Variants in LRP1B observed in about 807,000 individuals in gnomAD.
The protein encoded by LRP1B is LDL receptor related protein 1B.
Under a neutral mutation model 556.6 loss-of-function variants are expected in LRP1B, and 217 were observed. That is an observed-to-expected ratio of 0.39 (90% CI 0.35 to 0.44). The LOEUF (loss-of-function observed/expected upper bound fraction) is 0.44. LRP1B is among the 20% of genes least tolerant of loss of function. The probability of loss-of-function intolerance (pLI) is 1.00; values close to 1 mark genes in which losing one functional copy is unlikely to be tolerated. For missense variants in LRP1B, 5,053 were observed against 5,620.8 expected (o/e 0.90, Z 3.23); for synonymous variants, 2,047 against 1,865.8 (o/e 1.10, Z -2.50).
chr2:140,634,329 G>T (rs1001272487), intron 41 of LRP1B, among the ~76,000 whole-genome samples: 2 of 151,944 alleles, frequency 1.3e-5, no homozygotes, highest in Admixed American at 1.3e-4. Context: ...CATGATTATT[G>T]GATAATAATA....
chr2:141,631,248 G>C (rs953541401), intron 2 of LRP1B, among the ~76,000 whole-genome samples: 1 of 151,994 alleles, frequency 6.6e-6, no homozygotes, highest in Non-Finnish European at 1.5e-5. Context: ...ACAGCATGAG[G>C]GTAACTGCCC....
intron 1 of LRP1B, among the ~76,000 whole-genome samples, chr2:142,130,380 C>A (rs1287873727): frequency 6.6e-6 from 1 of 152,174 alleles, no homozygotes; most frequent in Non-Finnish European, 1.5e-5. Context: ...AAGCGCACAG[C>A]CAAGTGCACA....
chr2:142,018,666 T>C (rs1266142339), intron 1 of LRP1B, among the ~76,000 whole-genome samples: 3 of 152,158 alleles, frequency 2.0e-5, no homozygotes, highest in Admixed American at 6.5e-5. Context: ...AAAGTCTACA[T>C]GAGTTAGACT....
intron 1 of LRP1B, among the ~76,000 whole-genome samples, chr2:141,931,909 T>C (rs2104996164): frequency 6.6e-6 from 1 of 152,150 alleles, no homozygotes; most frequent in East Asian, 1.9e-4. Context: ...ATATGGGCTG[T>C]GTCACTTCGT....
intron 86 of LRP1B, among the ~76,000 whole-genome samples, chr2:140,260,961 G>A (rs1681908519): frequency 6.6e-6 from 1 of 151,586 alleles, no homozygotes; most frequent in Non-Finnish European, 1.5e-5. Context: ...GGCCTCTAGT[G>A]AATAGGACAG....
chr2:142,047,753 C>A (rs1214147611), intron 1 of LRP1B, among the ~76,000 whole-genome samples: 1 of 151,806 alleles, frequency 6.6e-6, no homozygotes, highest in Non-Finnish European at 1.5e-5. Context: ...TTAAACACAT[C>A]CTGGGAGATG....
chr2:140,962,896 A>G (rs1342724041), intron 18 of LRP1B, among the ~76,000 whole-genome samples: 3 of 152,206 alleles, frequency 2.0e-5, no homozygotes, highest in African/African-American at 7.2e-5. Context: ...TACACAGCAA[A>G]TTTTAGCTCA....
At position 140,546,490 on chromosome 2, in the gene LRP1B, G is replaced by A. The variant is rs955218130; in HGVS notation, c.7195-4519C>T. On this transcript the variant is annotated intron_variant, in intron 43 of 90. Coordinates refer to ENST00000389484, the MANE Select transcript of LRP1B (RefSeq NM_018557.3). Reference sequence around the variant, plus strand: ...ACTTACAATAATGGCAGAAGGGGTAGCAAACACGTTCTTCTTAATATGGCA... The same window carrying A: ...ACTTACAATAATGGCAGAAGGGGTAACAAACACGTTCTTCTTAATATGGCA... Among the ~76,000 whole-genome samples, 3 of 152,144 alleles carry A rather than the reference G, an allele frequency of 2.0e-5. 1 individual carries two copies. Among genetic ancestry groups the A allele is most frequent in the African/African-American group, 7.2e-5 (3 of 41,450 alleles).
At chr2:141,833,779 G>A (rs1697180679) in intron 1 of LRP1B, among the ~76,000 whole-genome samples, 1 of 151,790 alleles carries the variant, frequency 6.6e-6, no homozygotes, top group South Asian at 2.1e-4. Context: ...TTTATTAGAA[G>A]TATGTACAAA....
At chr2:140,240,987 A>C (rs923361929) in intron 87 of LRP1B, among the ~76,000 whole-genome samples, 1 of 150,942 alleles carries the variant, frequency 6.6e-6, no homozygotes, top group Non-Finnish European at 1.5e-5. Context: ...TCATTAAGAA[A>C]ATTTCATGTA....
At chr2:141,730,187 C>A (rs1368547740) in intron 2 of LRP1B, among the ~76,000 whole-genome samples, 2 of 152,126 alleles carry the variant, frequency 1.3e-5, no homozygotes, top group Admixed American at 1.3e-4. Context: ...AGTCCAGCCT[C>A]AGTCTCAGCC....
intron 2 of LRP1B, among the ~76,000 whole-genome samples, chr2:141,671,379 G>C (rs1253414743): frequency 1.3e-5 from 2 of 152,156 alleles, no homozygotes; most frequent in Non-Finnish European, 2.9e-5. Context: ...GGGAGTGAAG[G>C]AGGCAAAGTA....
At chr2:140,735,171 C>T (rs1438146826) in intron 35 of LRP1B, among the ~76,000 whole-genome samples, 2 of 152,098 alleles carry the variant, frequency 1.3e-5, no homozygotes, top group African/African-American at 4.8e-5. Flanking sequence ...GGGCCATCCA[C>T]ACGATGTGCA....
At chr2:141,142,153 C>G (rs967306966) in intron 7 of LRP1B, among the ~76,000 whole-genome samples, 1 of 152,116 alleles carries the variant, frequency 6.6e-6, no homozygotes, top group Non-Finnish European at 1.5e-5. Flanking sequence ...ACTGCCATGT[C>G]CTGATTTCCA....
intron 2 of LRP1B, among the ~76,000 whole-genome samples, chr2:141,766,199 A>G (rs1694727833): frequency 6.6e-6 from 1 of 152,194 alleles, no homozygotes; most frequent in Admixed American, 6.5e-5. Flanking sequence ...GGCAGCTTAA[A>G]CATGGTCAGA....
chr2:141,436,245 G>A (rs2104994155), intron 3 of LRP1B, among the ~76,000 whole-genome samples: 1 of 152,242 alleles, frequency 6.6e-6, no homozygotes, highest in South Asian at 2.1e-4. Flanking sequence ...ATCACCATAT[G>A]TAGTTACCAT....
intron 41 of LRP1B, among the ~76,000 whole-genome samples, chr2:140,675,198 A>T (rs1685628865): frequency 6.6e-6 from 1 of 152,228 alleles, no homozygotes; most frequent in African/African-American, 2.4e-5. Flanking sequence ...AAATCATCTG[A>T]CTGTGACTTG....
chr2:141,360,833 C>G (rs758562021), intron 3 of LRP1B, among the ~76,000 whole-genome samples: 35 of 152,184 alleles, frequency 2.3e-4, no homozygotes, highest in Non-Finnish European at 4.0e-4. Flanking sequence ...GATAAAACAT[C>G]AGGTAAACCC....
intron 1 of LRP1B, among the ~76,000 whole-genome samples, chr2:142,045,375 G>A (rs1200429015): frequency 6.6e-6 from 1 of 151,792 alleles, no homozygotes; most frequent in Non-Finnish European, 1.5e-5. Flanking sequence ...TGCTTTTCAA[G>A]GAACGTTCTC....
Sources: allele counts gnomAD v4.1 joint callset (sites outside exome capture counted in the v4.1 genomes callset), GRCh38; gene constraint gnomAD v4.1.1; transcripts MANE v1.5; gene names NCBI Gene and HGNC (gene_info 2026-07-23, HGNC 2026-07-21).